Variants in DYNC1H1 observed in about 807,000 individuals in gnomAD.
The protein encoded by DYNC1H1 is cytoplasmic dynein 1 heavy chain 1.
DYNC1H1 carries 51 observed loss-of-function variants against 527.1 expected under a neutral mutation model. That is an observed-to-expected ratio of 0.10 (90% CI 0.08 to 0.12). DYNC1H1 has a LOEUF of 0.12. Among genes scored for constraint, DYNC1H1 ranks in the 10% least tolerant of loss-of-function variants. The pLI is 1.00. For missense variants in DYNC1H1, 2,771 were observed against 5,971.8 expected, an observed-to-expected ratio of 0.46 and a Z score of 17.66; for synonymous variants, 2,189 against 2,278.8, an observed-to-expected ratio of 0.96 and a Z score of 1.12.
At position 101,965,099 on chromosome 14, in the gene DYNC1H1, G is replaced by A; in HGVS notation, c.256+152G>A. ...TGGGCAGAGCCCGGCGGCCGCAGAC[G>A]TCCCGCCGGCCGGGTCCCCAGGGCC... On this transcript the variant is annotated intron_variant, in intron 1 of 77. Coordinates refer to ENST00000360184, the MANE Select transcript of DYNC1H1 (RefSeq NM_001376.5). This position sits in a 1 kb window ranked among gnomAD's most constrained non-coding sequence, Gnocchi z 4.1. 1 of 849,576 alleles carries A rather than the reference G, an allele frequency of 1.2e-6. No individual in the cohort carries two copies. The highest frequency in any genetic ancestry group is 1.7e-6 in the Non-Finnish European group (1 of 598,718). The allele number at this position is 849,576 out of a possible 1,614,324, so 52.6% of individuals were successfully genotyped here.
Position 102,011,865 on chromosome 14 carries a change from G to A in DYNC1H1, c.6619-10G>A. 1.2e-6 allele frequency: 2 copies of A among 1,613,898 alleles called. No homozygotes were observed. The highest frequency in any genetic ancestry group is 1.7e-6 in the Non-Finnish European group (2 of 1,179,934). On this transcript the variant is annotated splice_polypyrimidine_tract_variant and intron_variant, in intron 32 of 77. Transcript: ENST00000360184. The surrounding 1 kb of genome is among the most constrained non-coding windows in gnomAD (Gnocchi z 5.3). ...GGATGGTCACTGTGCTGGTCTGTTG[G>A]GCCCTGCAGGTTCTCCAGCTCTATC...
chr14:101,970,473 G>GTTTTTTTTTTT (rs958653217), intron 1 of DYNC1H1, among the ~76,000 whole-genome samples: 18 of 81,462 alleles, frequency 2.2e-4, no homozygotes, highest in Non-Finnish European at 3.7e-4. Context: ...GTTTGTTGTT[G>GTTTTTTTTTTT]TTTTTTTTTT....
At position 101,965,365 on chromosome 14, in the gene DYNC1H1, T is replaced by TG. The variant is rs759794358; in HGVS notation, c.256+419dup. Among the ~76,000 whole-genome samples, 29 of 152,334 alleles carry TG rather than the reference T, an allele frequency of 1.9e-4. No individual in the cohort carries two copies. Among genetic ancestry groups the TG allele is most frequent in the Non-Finnish European group, 2.6e-4 (18 of 68,024 alleles). ...GGCGAGGCCGCATCCCTGCCTCCAG[T>TG]GTCACATGAGCTTTTCGGTTTCGAT... On this transcript the variant is annotated intron_variant, in intron 1 of 77. Transcript: ENST00000360184. The surrounding 1 kb of genome is among the most constrained non-coding windows in gnomAD (Gnocchi z 4.1).
intron 51 of DYNC1H1, chr14:102,030,540 T>C (rs17541373): frequency 8.3e-4 from 398 of 477,062 alleles, no homozygotes; most frequent in African/African-American, 7.1e-3. Context: ...AATATAAGCT[T>C]TGTGTCAATA....
rs999536917 is a variant in DYNC1H1, at chr14:102,005,425, C to T, written c.5433+189C>T. ...GTTGAAAGGTAATCTCAGGGGCATGCAGGGGTTACGCGACATCACGGTAGA... is the reference window on the plus strand; with the variant it reads ...GTTGAAAGGTAATCTCAGGGGCATGTAGGGGTTACGCGACATCACGGTAGA... On this transcript the variant is annotated intron_variant, in intron 26 of 77. Coordinates refer to ENST00000360184, the MANE Select transcript of DYNC1H1 (RefSeq NM_001376.5). The surrounding 1 kb of genome is among the most constrained non-coding windows in gnomAD (Gnocchi z 4.0). Among the ~76,000 whole-genome samples the T allele has an allele frequency of 1.3e-5, 2 of 152,218 alleles. No homozygotes were observed. The highest frequency in any genetic ancestry group is 2.9e-5 in the Non-Finnish European group (2 of 68,044).
intron 13 of DYNC1H1, 67 bp downstream of exon 13, chr14:101,994,916 T>C: frequency 6.2e-7 from 1 of 1,613,658 alleles, no homozygotes; most frequent in Non-Finnish European, 8.5e-7. Flanking sequence ...GTTAGACTGA[T>C]ATTCATTTGA....
chr14:102,045,447 C>CA (rs1435716362), intron 72 of DYNC1H1: 1 of 135,796 alleles, frequency 7.4e-6, no homozygotes, highest in Non-Finnish European at 1.8e-5. Flanking sequence ...CCCATCTCTA[C>CA]AAAAAATACA....
rs1455284015 is a variant in DYNC1H1 at position 101,995,252 on chromosome 14, T to C, written c.3516T>C (p.Tyr1172=). Residue 1172 remains tyrosine, a synonymous_variant, in exon 15 of 78, where the codon TAT becomes TAC. Coordinates refer to ENST00000360184, the MANE Select transcript of DYNC1H1 (RefSeq NM_001376.5). ...STSDAVTFIT[Y]VQSLKRKIKQ... is the part of the protein sequence containing the mutation. ...CCGATGCAGTGACCTTCATCACCTA[T>C]GTGCAGTCTTTGAAACGGAAGATCA... The C allele has an allele frequency of 1.2e-6, 2 of 1,614,216 alleles. No homozygotes were observed.
Position 102,016,575 on chromosome 14 carries a change from T to C in DYNC1H1, c.7614+86T>C. ...GAACAAGCTGACCATGGACCTTGGCTTCGTCTTTTCATTTTATTCCATTTC... is the reference window on the plus strand; with the variant it reads ...GAACAAGCTGACCATGGACCTTGGCCTCGTCTTTTCATTTTATTCCATTTC... On this transcript the variant is annotated intron_variant, in intron 37 of 77. Transcript: ENST00000360184. This position sits in a 1 kb window ranked among gnomAD's most constrained non-coding sequence, Gnocchi z 7.3. The C allele has an allele frequency of 1.2e-6, 2 of 1,610,502 alleles. No individual in the cohort carries two copies. The highest frequency in any genetic ancestry group is 1.7e-6 in the Non-Finnish European group (2 of 1,177,352).
intron 34 of DYNC1H1, among the ~76,000 whole-genome samples, chr14:102,013,024 C>T (rs1434061301): frequency 2.0e-5 from 3 of 151,926 alleles, no homozygotes; most frequent in South Asian, 2.1e-4. Flanking sequence ...CCGAGGCAGG[C>T]GGATCACAAA....
chr14:102,018,839 C>T lies in DYNC1H1; in HGVS notation c.8343+223C>T, dbSNP rs560287001. ...TGGTGGTGCATGCTTGTAATGTCAG[C>T]TTCCCAGGAGGCTGAGGTGGGAGAG... On this transcript the variant is annotated intron_variant, in intron 41 of 77. Coordinates refer to ENST00000360184, the MANE Select transcript of DYNC1H1 (RefSeq NM_001376.5). The surrounding 1 kb of genome is among the most constrained non-coding windows in gnomAD (Gnocchi z 5.2). Among the ~76,000 whole-genome samples the T allele has an allele frequency of 1.9e-3, 282 of 152,266 alleles. No homozygotes were observed. Among genetic ancestry groups the T allele is most frequent in the Admixed American group, 6.1e-3 (94 of 15,288 alleles).
At chr14:101,999,540 G>A (rs2048106596) in intron 16 of DYNC1H1, among the ~76,000 whole-genome samples, 1 of 152,208 alleles carries the variant, frequency 6.6e-6, no homozygotes, top group Non-Finnish European at 1.5e-5. Context: ...TATGCAAATG[G>A]TAGTGTTAAT....
In DYNC1H1 at chr14:102,016,728, G is replaced by A. The variant is rs1029139890; in HGVS notation, c.7615-38G>A. The A allele has an allele frequency of 5.6e-6, 9 of 1,604,586 alleles. No homozygotes were observed. The African/African-American group carries it at 1.1e-4, about 19-fold the overall frequency. On this transcript the variant is annotated intron_variant, in intron 37 of 77. Coordinates refer to ENST00000360184, the MANE Select transcript of DYNC1H1 (RefSeq NM_001376.5). The surrounding 1 kb of genome is among the most constrained non-coding windows in gnomAD (Gnocchi z 7.3). ...AACAAACCTCGTGAGGAGGCACCTT[G>A]GTTGCAGCCGGACTCACACTTCCAT...
In DYNC1H1 at chr14:102,044,734, G is replaced by A. The variant is rs376350887; in HGVS notation, c.13006+36G>A. On this transcript the variant is annotated intron_variant, in intron 72 of 77. Coordinates refer to ENST00000360184, the MANE Select transcript of DYNC1H1 (RefSeq NM_001376.5). The surrounding 1 kb of genome is among the most constrained non-coding windows in gnomAD (Gnocchi z 7.1). ...AGGATCCTCCCCACACGCAGGGTGGGTGGCGAGGGTCCCCTCACGCGGGGT... is the reference window on the plus strand; with the variant it reads ...AGGATCCTCCCCACACGCAGGGTGGATGGCGAGGGTCCCCTCACGCGGGGT... The A allele has an allele frequency of 1.4e-5, 19 of 1,399,546 alleles. No individual in the cohort carries two copies. The highest frequency in any genetic ancestry group is 1.8e-5 in the Admixed American group (1 of 54,906). 86.7% of individuals were successfully genotyped at this position (1,399,546 alleles called of 1,614,324 possible).
chr14:102,016,171 G>T lies in DYNC1H1; in HGVS notation c.7473+85G>T. 1 of 1,524,254 alleles carries T rather than the reference G, an allele frequency of 6.6e-7. No homozygotes were observed. 94.4% of individuals were successfully genotyped at this position (1,524,254 alleles called of 1,614,324 possible). On this transcript the variant is annotated intron_variant, in intron 36 of 77. Coordinates refer to ENST00000360184, the MANE Select transcript of DYNC1H1 (RefSeq NM_001376.5). This position sits in a 1 kb window ranked among gnomAD's most constrained non-coding sequence, Gnocchi z 7.3. Reference sequence around the variant, plus strand: ...ACCTCTGAAATGCTGCACCTGTGGGGATGTGCGCTCTCTCCTAGGCGAGGC... The same window carrying T: ...ACCTCTGAAATGCTGCACCTGTGGGTATGTGCGCTCTCTCCTAGGCGAGGC...
At chr14:102,028,392 A>G (rs1221251979) in intron 48 of DYNC1H1, 2 of 424,084 alleles carry the variant, frequency 4.7e-6, no homozygotes, top group African/African-American at 2.0e-5. Context: ...GTGGGCACCT[A>G]TAGTCCCAGC....
At chr14:102,004,455 A>G in intron 23 of DYNC1H1, 63 bp from the exon 24 acceptor site, 2 of 1,522,878 alleles carry the variant, frequency 1.3e-6, no homozygotes, top group Non-Finnish European at 1.8e-6. Flanking sequence ...TTGAAATCTT[A>G]CCTTGATTCA....
Position 102,051,193 on chromosome 14 carries a change from C to A in DYNC1H1, c.*630C>A. The A allele has an allele frequency of 5.9e-6, 1 of 170,212 alleles. No individual in the cohort carries two copies. Among genetic ancestry groups the A allele is most frequent in the Non-Finnish European group, 1.3e-5 (1 of 79,226 alleles). 10.5% of individuals were successfully genotyped at this position (170,212 alleles called of 1,614,324 possible). ...ATCACCCAAGCCCAAGAGGTCGAGGCTGCAGTGAGCTGTGATCTCACCACT... is the reference window on the plus strand; with the variant it reads ...ATCACCCAAGCCCAAGAGGTCGAGGATGCAGTGAGCTGTGATCTCACCACT... On this transcript the variant is annotated 3_prime_UTR_variant, in exon 78 of 78. Transcript: ENST00000360184.
At chr14:101,999,649 C>G (rs1013085641) in intron 16 of DYNC1H1, among the ~76,000 whole-genome samples, 1 of 152,090 alleles carries the variant, frequency 6.6e-6, no homozygotes, top group Non-Finnish European at 1.5e-5. Context: ...GCTGGCAGGC[C>G]CCGGAGGTTT....
Sources: allele counts gnomAD v4.1 joint callset (sites outside exome capture counted in the v4.1 genomes callset), GRCh38; gene constraint gnomAD v4.1.1; non-coding constraint Gnocchi (gnomAD v3.1); transcripts MANE v1.5; gene names NCBI Gene and HGNC (gene_info 2026-07-23, HGNC 2026-07-21).